Variants in HCN1 observed in about 807,000 individuals in gnomAD.
HCN1 encodes hyperpolarization activated cyclic nucleotide gated potassium channel 1, also known as potassium/sodium hyperpolarization-activated cyclic nucleotide-gated channel 1.
In HCN1, 13 loss-of-function variants were observed where a neutral mutation model predicts 78.9. The ratio of observed to expected loss-of-function variants is 0.16; its 90% CI spans 0.11 to 0.26. HCN1 has a LOEUF of 0.26. HCN1 is among the 10% of genes least tolerant of loss of function. HCN1 has a pLI of 1.00. For missense variants in HCN1, 810 were observed against 1,154.3 expected, an observed-to-expected ratio of 0.70 and a Z score of 4.32; for synonymous variants, 552 against 455.5, an observed-to-expected ratio of 1.21 and a Z score of -2.70.
At chr5:45,312,642 C>A (rs1377474855) in intron 5 of HCN1, among the ~76,000 whole-genome samples, 2 of 152,278 alleles carry the variant, frequency 1.3e-5, no homozygotes, top group Admixed American at 6.5e-5. Context: ...ACAGACAGCA[C>A]CTGGAAAATC....
chr5:45,347,630 G>A (rs1212551841), intron 5 of HCN1, among the ~76,000 whole-genome samples: 9 of 152,228 alleles, frequency 5.9e-5, no homozygotes, highest in African/African-American at 1.4e-4. Context: ...AAATTTAGAC[G>A]AATGTATAAC....
At chr5:45,357,349 G>A (rs1478875550) in intron 4 of HCN1, among the ~76,000 whole-genome samples, 1 of 151,992 alleles carries the variant, frequency 6.6e-6, no homozygotes, top group Admixed American at 6.6e-5. Flanking sequence ...GATTCTCTAT[G>A]CTGGATTTGA....
intron 7 of HCN1, among the ~76,000 whole-genome samples, chr5:45,263,399 A>G (rs1173892190): frequency 2.0e-5 from 3 of 152,190 alleles, no homozygotes; most frequent in African/African-American, 7.2e-5. Context: ...GAGAAAGACC[A>G]TATACACAAA....
chr5:45,563,769 T>G (rs960651218), intron 2 of HCN1, among the ~76,000 whole-genome samples: 2 of 152,192 alleles, frequency 1.3e-5, no homozygotes, highest in Non-Finnish European at 2.9e-5. Flanking sequence ...ACAACACTTT[T>G]TATAAGGTGC....
At chr5:45,365,225 GTGTT>G (rs1017817325) in intron 4 of HCN1, among the ~76,000 whole-genome samples, 1 of 151,692 alleles carries the variant, frequency 6.6e-6, no homozygotes, top group African/African-American at 2.4e-5. Flanking sequence ...GGGAATTCAT[GTGTT>G]TGTTTGTTAT....
At chr5:45,568,470 A>G (rs996295029) in intron 2 of HCN1, among the ~76,000 whole-genome samples, 1 of 152,108 alleles carries the variant, frequency 6.6e-6, no homozygotes, top group Admixed American at 6.6e-5. Flanking sequence ...TCTGTGCCTT[A>G]GTTTCTTCAT....
chr5:45,679,536 C>T (rs192380334), intron 1 of HCN1, among the ~76,000 whole-genome samples: 9 of 152,104 alleles, frequency 5.9e-5, no homozygotes, highest in African/African-American at 1.9e-4. Flanking sequence ...AACATAGAAG[C>T]ATGCATTTCA....
chr5:45,695,651 G>A lies in HCN1; in HGVS notation c.425+18C>T. 1.2e-6 allele frequency: 2 copies of A among 1,608,894 alleles called. No individual in the cohort carries two copies. Among genetic ancestry groups the A allele is most frequent in the Non-Finnish European group, 1.7e-6 (2 of 1,177,918 alleles). ...GCGCGCCTGAAGGGAGGGTGGGGCG[G>A]CGACCGGGAGCCCTCACCTGAAATC... On this transcript the variant is annotated intron_variant, in intron 1 of 7. Coordinates refer to ENST00000303230, the MANE Select transcript of HCN1 (RefSeq NM_021072.4).
intron 2 of HCN1, among the ~76,000 whole-genome samples, chr5:45,610,074 G>C (rs897279693): frequency 6.6e-6 from 1 of 152,124 alleles, no homozygotes; most frequent in Admixed American, 6.6e-5. Flanking sequence ...TTTAAATAAG[G>C]AACTGAGAGG....
At chr5:45,663,037 C>T (rs1277968281) in intron 1 of HCN1, among the ~76,000 whole-genome samples, 9 of 147,672 alleles carry the variant, frequency 6.1e-5, no homozygotes, top group African/African-American at 2.0e-4. Context: ...GGAGGCATCA[C>T]ACTACCTGAC....
At chr5:45,645,034 A>G (rs1051340177) in intron 2 of HCN1, 151 bp downstream of exon 2, 15 of 610,256 alleles carry the variant, frequency 2.5e-5, no homozygotes, top group African/African-American at 1.3e-4. Flanking sequence ...GGATACAAAT[A>G]TATCACTTAT....
In HCN1 at chr5:45,467,114, CAATT is replaced by C. The variant is rs1741290054; in HGVS notation, c.850-5111_850-5108del. 3.9e-5 allele frequency among the ~76,000 whole-genome samples: 6 copies of C among 152,144 alleles called. No homozygotes were observed. The South Asian group carries it at 1.2e-3, about 32-fold the overall frequency. Reference sequence around the variant, plus strand: ...CCTTCCAAAATTCCTCCTACATAATCAATTAATTATCAAATACCCTCAGCCACCT... The same window carrying C: ...CCTTCCAAAATTCCTCCTACATAATCAATTATCAAATACCCTCAGCCACCT... On this transcript the variant is annotated intron_variant, in intron 2 of 7. Coordinates refer to ENST00000303230, the MANE Select transcript of HCN1 (RefSeq NM_021072.4).
chr5:45,618,838 A>T (rs1002765629), intron 2 of HCN1, among the ~76,000 whole-genome samples: 13 of 152,060 alleles, frequency 8.5e-5, no homozygotes, highest in African/African-American at 2.9e-4. Flanking sequence ...TAAAATAAAA[A>T]AAAAGGAGAG....
At chr5:45,566,074 A>G (rs1293242996) in intron 2 of HCN1, among the ~76,000 whole-genome samples, 2 of 152,168 alleles carry the variant, frequency 1.3e-5, no homozygotes, top group Non-Finnish European at 2.9e-5. Flanking sequence ...TCACAGGTCA[A>G]TATCATTCTC....
intron 6 of HCN1, among the ~76,000 whole-genome samples, chr5:45,269,775 C>T (rs1744926628): frequency 6.6e-6 from 1 of 152,146 alleles, no homozygotes; most frequent in Admixed American, 6.6e-5. Flanking sequence ...ATGTCTCATA[C>T]CTACCATCAG....
chr5:45,375,056 A>C (rs1463949412), intron 4 of HCN1, among the ~76,000 whole-genome samples: 1 of 127,756 alleles, frequency 7.8e-6, no homozygotes, highest in Non-Finnish European at 1.6e-5. Context: ...ATGGAATTTT[A>C]TATATATATA....
intron 6 of HCN1, among the ~76,000 whole-genome samples, chr5:45,281,251 T>C (rs1051008814): frequency 5.9e-5 from 9 of 151,982 alleles, no homozygotes; most frequent in African/African-American, 1.9e-4. Flanking sequence ...CTTGCTGTTG[T>C]CATGGTAATG....
chr5:45,595,528 GT>G (rs1248598314), intron 2 of HCN1, among the ~76,000 whole-genome samples: 1 of 151,914 alleles, frequency 6.6e-6, no homozygotes, highest in African/African-American at 2.4e-5. Flanking sequence ...AGCTTCAATT[GT>G]TTTGTCTCAT....
intron 4 of HCN1, among the ~76,000 whole-genome samples, chr5:45,358,126 C>T (rs182017256): frequency 3.2e-4 from 48 of 151,942 alleles, no homozygotes; most frequent in Non-Finnish European, 6.9e-4. Flanking sequence ...ATTAATTACC[C>T]GATCTTAGGT....
Sources: gnomAD v4.1 joint callset for allele counts (sites outside exome capture counted in the v4.1 genomes callset) on GRCh38, gnomAD v4.1.1 for gene constraint, MANE v1.5 for transcripts, NCBI Gene and HGNC (gene_info 2026-07-23, HGNC 2026-07-21) for gene names.